Variants in MAGI1 observed in about 807,000 individuals in gnomAD.
MAGI1 encodes the protein membrane-associated guanylate kinase, WW and PDZ domain-containing protein 1.
In MAGI1, 58 loss-of-function variants were observed where a neutral mutation model predicts 139.9. That is an observed-to-expected ratio of 0.41 (90% CI 0.34 to 0.52). MAGI1 has a LOEUF of 0.52. MAGI1 is among the 20% of genes least tolerant of loss of function. The pLI is 0.12. For synonymous variants in MAGI1, 812 were observed against 737.9 expected (o/e 1.10, Z -1.63); for missense variants, 1,874 against 1,901.6 (o/e 0.99, Z 0.27).
At chr3:65,773,237 C>A (rs1312353482) in intron 1 of MAGI1, among the ~76,000 whole-genome samples, 1 of 152,088 alleles carries the variant, frequency 6.6e-6, no homozygotes, top group Non-Finnish European at 1.5e-5. Flanking sequence ...AGATTAACAA[C>A]CTTAAGAGTA....
At chr3:65,456,963 T>C (rs1949436434) in intron 5 of MAGI1, among the ~76,000 whole-genome samples, 1 of 152,192 alleles carries the variant, frequency 6.6e-6, no homozygotes, top group Non-Finnish European at 1.5e-5. Flanking sequence ...AATTAGTACA[T>C]TTGATATCAA....
chr3:65,882,461 A>T (rs1008419939), intron 1 of MAGI1, among the ~76,000 whole-genome samples: 1 of 152,160 alleles, frequency 6.6e-6, no homozygotes, highest in African/African-American at 2.4e-5. Context: ...AGTATGTCTG[A>T]TTGACAGAGC....
intron 1 of MAGI1, among the ~76,000 whole-genome samples, chr3:65,735,593 T>C (rs4501148): frequency 0.47 from 70,853 of 151,688 alleles, 17,641 homozygotes; most frequent in East Asian, 0.98. Flanking sequence ...TTGCTAGGGA[T>C]CCGTCCAACC....
chr3:65,970,500 C>A (rs1356014063), intron 1 of MAGI1, among the ~76,000 whole-genome samples: 1 of 148,626 alleles, frequency 6.7e-6, no homozygotes, highest in Non-Finnish European at 1.5e-5. Flanking sequence ...AATTTTGTGT[C>A]AGGTATACTT....
chr3:65,365,749 T>C (rs1235232390), intron 18 of MAGI1, among the ~76,000 whole-genome samples: 1 of 152,226 alleles, frequency 6.6e-6, no homozygotes, highest in Admixed American at 6.5e-5. Flanking sequence ...CAGTGCACCA[T>C]CAAATCTAGA....
intron 1 of MAGI1, among the ~76,000 whole-genome samples, chr3:65,699,733 G>T (rs1276839553): frequency 8.6e-6 from 1 of 116,724 alleles, no homozygotes; most frequent in African/African-American, 3.3e-5. Context: ...GTGGTGGGGT[G>T]GGGGGAGGGG....
At chr3:65,516,411 C>T (rs2077881383) in intron 2 of MAGI1, among the ~76,000 whole-genome samples, 1 of 152,084 alleles carries the variant, frequency 6.6e-6, no homozygotes, top group Non-Finnish European at 1.5e-5. Flanking sequence ...ATCTCTTGAC[C>T]TTGGGATCCG....
chr3:65,890,065 T>G (rs1289720178), intron 1 of MAGI1, among the ~76,000 whole-genome samples: 2 of 151,990 alleles, frequency 1.3e-5, no homozygotes, highest in African/African-American at 4.8e-5. Flanking sequence ...CAGATGACAT[T>G]AAAAACTCAT....
chr3:65,845,049 G>A (rs575867401), intron 1 of MAGI1, among the ~76,000 whole-genome samples: 71 of 152,142 alleles, frequency 4.7e-4, no homozygotes, highest in Middle Eastern at 6.8e-3. Context: ...TCAGGAGTTC[G>A]AGACAAGCCT....
At chr3:65,841,581 C>A (rs11922290) in intron 1 of MAGI1, among the ~76,000 whole-genome samples, 2,911 of 152,002 alleles carry the variant, frequency 0.019, 83 homozygotes, top group African/African-American at 0.066. Context: ...GTGACCGCCA[C>A]CACACCCAGC....
At chr3:65,940,381 C>G (rs1013291168) in intron 1 of MAGI1, among the ~76,000 whole-genome samples, 4 of 152,176 alleles carry the variant, frequency 2.6e-5, no homozygotes, top group Non-Finnish European at 5.9e-5. Flanking sequence ...AGTCTAAGAT[C>G]AGGGTTCCAG....
intron 1 of MAGI1, among the ~76,000 whole-genome samples, chr3:65,884,626 C>T (rs1434627507): frequency 6.6e-6 from 1 of 151,710 alleles, no homozygotes; most frequent in Admixed American, 6.6e-5. Flanking sequence ...TCAGGGGGTA[C>T]ATGTGCAGGT....
intron 2 of MAGI1, among the ~76,000 whole-genome samples, chr3:65,592,497 A>C (rs1024053347): frequency 6.6e-6 from 1 of 152,238 alleles, no homozygotes; most frequent in Non-Finnish European, 1.5e-5. Flanking sequence ...GGTTGTCACC[A>C]AGAATAAGGT....
chr3:65,686,436 C>T (rs191226154), intron 1 of MAGI1, among the ~76,000 whole-genome samples: 7 of 152,250 alleles, frequency 4.6e-5, no homozygotes, highest in Non-Finnish European at 7.3e-5. Flanking sequence ...AGACTGCAGG[C>T]GCACACCACC....
At chr3:65,974,579 G>A (rs1000330117) in intron 1 of MAGI1, among the ~76,000 whole-genome samples, 3 of 152,150 alleles carry the variant, frequency 2.0e-5, no homozygotes, top group African/African-American at 4.8e-5. Context: ...GACTGGCCTA[G>A]CTGGGTGGTT....
rs534749482 is a variant in MAGI1, at chr3:65,553,866, C to G, written c.431-60235G>C. 5.3e-5 allele frequency among the ~76,000 whole-genome samples: 8 copies of G among 152,284 alleles called. No homozygotes were observed. In the South Asian group the frequency reaches 1.7e-3, roughly 32 times the overall value. On this transcript the variant is annotated intron_variant, in intron 2 of 22. Coordinates refer to ENST00000402939, the MANE Select transcript of MAGI1 (RefSeq NM_001033057.2). Reference sequence around the variant, plus strand: ...TCTCAGTTTCGCTAATTCTCATTATCTCTATTACAAAATACAAATGAAGAA... The same window carrying G: ...TCTCAGTTTCGCTAATTCTCATTATGTCTATTACAAAATACAAATGAAGAA...
intron 2 of MAGI1, among the ~76,000 whole-genome samples, chr3:65,538,996 G>C (rs62255330): frequency 8.5e-6 from 1 of 117,756 alleles, no homozygotes; most frequent in East Asian, 2.5e-4. Flanking sequence ...CCATCAACCA[G>C]AAACATGTAC....
intron 1 of MAGI1, among the ~76,000 whole-genome samples, chr3:65,979,020 C>T (rs2065410670): frequency 6.7e-6 from 1 of 149,970 alleles, no homozygotes; most frequent in African/African-American, 2.5e-5. Context: ...CCATCTCACT[C>T]ACGTTTTTTT....
chr3:65,604,704 A>G (rs2082651089), intron 2 of MAGI1, among the ~76,000 whole-genome samples: 1 of 152,110 alleles, frequency 6.6e-6, no homozygotes, highest in Admixed American at 6.6e-5. Flanking sequence ...GAATTGCCAC[A>G]AATGTGTGAA....
Sources: allele counts gnomAD v4.1 joint callset (sites outside exome capture counted in the v4.1 genomes callset), GRCh38; gene constraint gnomAD v4.1.1; transcripts MANE v1.5; gene names NCBI Gene and HGNC (gene_info 2026-07-23, HGNC 2026-07-21).